DGKB: variants seen among roughly 807,000 people sequenced by gnomAD.
DGKB encodes the protein diacylglycerol kinase beta, also known as 90 kDa diacylglycerol kinase.
Under a neutral mutation model 114.3 loss-of-function variants are expected in DGKB, and 67 were observed. The observed-to-expected ratio is 0.59, with a 90% CI of 0.48 to 0.72. The LOEUF (loss-of-function observed/expected upper bound fraction) is 0.72. DGKB is among the 30% of genes least tolerant of loss of function. The pLI is 0.00. For synonymous variants in DGKB, 398 were observed against 323.1 expected (o/e 1.23, Z -2.49); for missense variants, 907 against 975.2 (o/e 0.93, Z 0.93).
chr7:14,187,883 A>T (rs1783679831), intron 23 of DGKB, among the ~76,000 whole-genome samples: 1 of 152,214 alleles, frequency 6.6e-6, no homozygotes, highest in African/African-American at 2.4e-5. Flanking sequence ...TGAAAAATAA[A>T]TTCAAAATTA....
Position 14,902,724 on chromosome 7 carries a change from C to T in DGKB, c.-320G>A, listed in dbSNP as rs1783306838. 6.6e-6 allele frequency: 1 copy of T among 152,194 alleles called. No homozygotes were observed. Among genetic ancestry groups the T allele is most frequent in the Non-Finnish European group, 1.5e-5 (1 of 68,106 alleles). 9.4% of individuals were successfully genotyped at this position (152,194 alleles called of 1,614,324 possible). A position where few individuals can be genotyped will look rare whatever the true frequency, so the allele number is the denominator to read the frequency against. On this transcript the variant is annotated 5_prime_UTR_variant, in exon 1 of 26. Transcript: ENST00000402815. ...CGCTCCCGGCACAGTAAGAAGGCTCCCACACAGCTCGGCTTCCCCAGAGGA... is the reference window on the plus strand; with the variant it reads ...CGCTCCCGGCACAGTAAGAAGGCTCTCACACAGCTCGGCTTCCCCAGAGGA...
chr7:14,835,681 A>C (rs1395422788), intron 2 of DGKB, among the ~76,000 whole-genome samples: 1 of 152,142 alleles, frequency 6.6e-6, no homozygotes, highest in Non-Finnish European at 1.5e-5. Context: ...ACCTGTGAGG[A>C]GGTCAAGTCT....
intron 23 of DGKB, among the ~76,000 whole-genome samples, chr7:14,284,339 A>G (rs1470006254): frequency 9.8e-5 from 14 of 142,998 alleles, no homozygotes; most frequent in Admixed American, 8.7e-4. Context: ...TAGAATGGCA[A>G]TCATTAAAAA....
chr7:14,715,691 A>G (rs751619337), intron 6 of DGKB, among the ~76,000 whole-genome samples: 2 of 152,186 alleles, frequency 1.3e-5, no homozygotes, highest in African/African-American at 4.8e-5. Flanking sequence ...TAAGTCCTCA[A>G]TATGATTGCT....
intron 13 of DGKB, among the ~76,000 whole-genome samples, chr7:14,647,959 T>C (rs563841983): frequency 6.6e-6 from 1 of 152,212 alleles, no homozygotes; most frequent in South Asian, 2.1e-4. Flanking sequence ...TGGCGCACCA[T>C]GAGATTATAT....
At chr7:14,345,717 G>C (rs991025619) in intron 21 of DGKB, among the ~76,000 whole-genome samples, 2 of 151,586 alleles carry the variant, frequency 1.3e-5, no homozygotes, top group African/African-American at 2.4e-5. Flanking sequence ...ATGTACAATA[G>C]TGGGAAATTA....
chr7:14,861,370 C>G (rs144649395), intron 1 of DGKB, among the ~76,000 whole-genome samples: 1,842 of 151,714 alleles, frequency 0.012, 28 homozygotes, highest in Admixed American at 0.018. Flanking sequence ...TCTGATATAG[C>G]TAAAAATAAA....
At chr7:14,931,693 A>G (rs36863) in intron 1 of DGKB, among the ~76,000 whole-genome samples, 84,686 of 151,900 alleles carry the variant, frequency 0.56, 25,854 homozygotes, top group East Asian at 0.91. Context: ...TTCCTCTCAG[A>G]CCACGGCTGT....
intron 1 of DGKB, among the ~76,000 whole-genome samples, chr7:14,847,081 G>C (rs989770407): frequency 1.3e-5 from 2 of 152,074 alleles, no homozygotes; most frequent in African/African-American, 4.8e-5. Flanking sequence ...ACGAGGTCAG[G>C]AGATCGAGAC....
chr7:14,423,527 T>C (rs761534665), intron 21 of DGKB, among the ~76,000 whole-genome samples: 4 of 152,122 alleles, frequency 2.6e-5, no homozygotes, highest in Non-Finnish European at 5.9e-5. Context: ...TAAGTGCACG[T>C]ACATTTTTAT....
intron 20 of DGKB, among the ~76,000 whole-genome samples, chr7:14,485,226 C>T (rs963348160): frequency 8.6e-5 from 13 of 150,850 alleles, no homozygotes; most frequent in East Asian, 5.9e-4. Context: ...CTTCTAAATG[C>T]GAGCACAGGT....
chr7:14,374,039 G>C (rs1193769343), intron 21 of DGKB, among the ~76,000 whole-genome samples: 1 of 151,962 alleles, frequency 6.6e-6, no homozygotes, highest in Non-Finnish European at 1.5e-5. Flanking sequence ...AGCAGCTCAT[G>C]CTCTCCTCTT....
intron 23 of DGKB, among the ~76,000 whole-genome samples, chr7:14,311,586 C>T (rs920398307): frequency 5.9e-5 from 9 of 152,138 alleles, no homozygotes; most frequent in East Asian, 1.9e-4. Flanking sequence ...CCATGCCTGG[C>T]GAACTTCTTT....
At chr7:14,275,756 CAGATT>C (rs779591706) in intron 23 of DGKB, among the ~76,000 whole-genome samples, 8 of 152,140 alleles carry the variant, frequency 5.3e-5, no homozygotes, top group Non-Finnish European at 1.0e-4. Flanking sequence ...CCACCAGTAA[CAGATT>C]AGAAGAATTC....
intron 25 of DGKB, among the ~76,000 whole-genome samples, chr7:14,167,187 G>T (rs1164419265): frequency 1.7e-5 from 2 of 120,676 alleles, no homozygotes; most frequent in East Asian, 2.6e-4. Context: ...CTCCAGCCTG[G>T]GTAACAGAAT....
intron 6 of DGKB, among the ~76,000 whole-genome samples, chr7:14,703,475 T>G (rs1264686607): frequency 6.6e-6 from 1 of 152,188 alleles, no homozygotes; most frequent in Non-Finnish European, 1.5e-5. Flanking sequence ...TGAAGAGCAT[T>G]AGAAAATGAA....
At chr7:14,826,005 A>G (rs1048238418) in intron 2 of DGKB, among the ~76,000 whole-genome samples, 12 of 152,160 alleles carry the variant, frequency 7.9e-5, no homozygotes, top group Admixed American at 7.9e-4. Context: ...TTATGGGATT[A>G]TAACTTCAGC....
intron 23 of DGKB, among the ~76,000 whole-genome samples, chr7:14,205,545 G>A (rs1320205167): frequency 6.6e-6 from 1 of 151,864 alleles, no homozygotes; most frequent in Non-Finnish European, 1.5e-5. Flanking sequence ...TTTGTTAAAG[G>A]TTTTAAAAAA....
intron 1 of DGKB, among the ~76,000 whole-genome samples, chr7:14,949,003 A>G (rs887417252): frequency 6.6e-6 from 1 of 151,874 alleles, no homozygotes; most frequent in Admixed American, 6.6e-5. Flanking sequence ...GATTTAAGAT[A>G]CAAAAAGGAA....
Sources: allele counts gnomAD v4.1 joint callset (sites outside exome capture counted in the v4.1 genomes callset), GRCh38; gene constraint gnomAD v4.1.1; transcripts MANE v1.5; gene names NCBI Gene and HGNC (gene_info 2026-07-23, HGNC 2026-07-21).